The following MTAP variants were observed in gnomAD, a reference collection of about 807,000 sequenced individuals.
MTAP encodes the protein S-methyl-5'-thioadenosine phosphorylase.
In MTAP, 33 loss-of-function variants were observed where a neutral mutation model predicts 33.6. The ratio of observed to expected loss-of-function variants is 0.98; its 90% CI spans 0.74 to 1.31. MTAP has a LOEUF of 1.31. MTAP is among the 40% of genes most tolerant of loss of function. The probability of loss-of-function intolerance (pLI) is 0.00; values close to 1 mark genes in which losing one functional copy is unlikely to be tolerated. For missense variants in MTAP, 367 were observed against 360.0 expected, an observed-to-expected ratio of 1.02 and a Z score of -0.16; for synonymous variants, 148 against 125.7, an observed-to-expected ratio of 1.18 and a Z score of -1.19.
intron 4 of MTAP, among the ~76,000 whole-genome samples, chr9:21,822,794 CT>C (rs1824680090): frequency 6.6e-6 from 1 of 152,046 alleles, no homozygotes; most frequent in South Asian, 2.1e-4. Flanking sequence ...TAAGGACTTG[CT>C]TTATGAATCT....
At chr9:21,891,526 GCTATGGA>G (rs1450939928) in intron 1 of MTAP, among the ~76,000 whole-genome samples, 4 of 152,072 alleles carry the variant, frequency 2.6e-5, no homozygotes. Context: ...AATAAACCAA[GCTATGGA>G]AATAAACTCA....
At chr9:21,927,513 G>C (rs1818888719) in intron 1 of MTAP, among the ~76,000 whole-genome samples, 1 of 152,160 alleles carries the variant, frequency 6.6e-6, no homozygotes, top group Non-Finnish European at 1.5e-5. Context: ...TACTAGAAGA[G>C]GATAACTGAA....
chr9:21,906,939 A>T (rs1304756987), intron 1 of MTAP, among the ~76,000 whole-genome samples: 3 of 152,228 alleles, frequency 2.0e-5, no homozygotes, highest in Non-Finnish European at 4.4e-5. Context: ...TAATTCAGTA[A>T]ATTAACAGAA....
intron 4 of MTAP, among the ~76,000 whole-genome samples, chr9:21,818,519 A>G (rs1824544582): frequency 6.6e-6 from 1 of 151,250 alleles, no homozygotes; most frequent in African/African-American, 2.4e-5. Context: ...GTAGAGATGG[A>G]GTTTCGTCAT....
intron 4 of MTAP, among the ~76,000 whole-genome samples, chr9:21,827,284 C>T (rs550397734): frequency 6.6e-6 from 1 of 152,218 alleles, no homozygotes; most frequent in African/African-American, 2.4e-5. Context: ...GTCCATGCTG[C>T]TCCTCCCATC....
At chr9:21,811,819 G>T in intron 1 of MTAP, 3 of 507,642 alleles carry the variant, frequency 5.9e-6, no homozygotes, top group South Asian at 2.9e-5. Flanking sequence ...AGATGCCCTT[G>T]ATCAGATCCT....
chr9:21,824,254 T>A (rs1179087063), intron 4 of MTAP, among the ~76,000 whole-genome samples: 1 of 152,236 alleles, frequency 6.6e-6, no homozygotes, highest in Non-Finnish European at 1.5e-5. Context: ...TGGTCTTTGA[T>A]GATGGTGACA....
chr9:21,906,433 A>C (rs1180630080), intron 1 of MTAP, among the ~76,000 whole-genome samples: 1 of 152,192 alleles, frequency 6.6e-6, no homozygotes, highest in Non-Finnish European at 1.5e-5. Context: ...GGATTTGAAG[A>C]AGTTACCCAG....
intron 5 of MTAP, among the ~76,000 whole-genome samples, chr9:21,848,285 TG>T (rs1179348152): frequency 6.6e-6 from 1 of 152,070 alleles, no homozygotes; most frequent in Non-Finnish European, 1.5e-5. Context: ...ACCCATGAGG[TG>T]GTGTGCTACA....
At chr9:21,914,399 A>G (rs1818639350) in intron 1 of MTAP, among the ~76,000 whole-genome samples, 1 of 152,178 alleles carries the variant, frequency 6.6e-6, no homozygotes, top group African/African-American at 2.4e-5. Flanking sequence ...CATCAATGAT[A>G]GACCTGATAA....
chr9:21,907,851 G>C (rs1324616369), intron 1 of MTAP, among the ~76,000 whole-genome samples: 1 of 152,004 alleles, frequency 6.6e-6, no homozygotes, highest in East Asian at 1.9e-4. Flanking sequence ...TGTATTTCAA[G>C]ATAATTGCTA....
intron 4 of MTAP, among the ~76,000 whole-genome samples, chr9:21,828,570 A>T (rs1587220967): frequency 6.6e-6 from 1 of 152,038 alleles, no homozygotes; most frequent in Non-Finnish European, 1.5e-5. Context: ...AGCTACTCGG[A>T]AGGCTGAGGC....
chr9:21,912,896 TC>T (rs1327235291), intron 1 of MTAP, among the ~76,000 whole-genome samples: 1 of 152,104 alleles, frequency 6.6e-6, no homozygotes, highest in African/African-American at 2.4e-5. Flanking sequence ...ATCGTCTCAG[TC>T]CAAAATCTCG....
intron 1 of MTAP, among the ~76,000 whole-genome samples, chr9:21,891,594 T>G (rs890577151): frequency 6.6e-6 from 1 of 151,960 alleles, no homozygotes; most frequent in Non-Finnish European, 1.5e-5. Flanking sequence ...TAAAAAAGAA[T>G]GAACAAAACC....
chr9:21,825,008 C>T (rs1008048572), intron 4 of MTAP, among the ~76,000 whole-genome samples: 1 of 152,134 alleles, frequency 6.6e-6, no homozygotes, highest in Middle Eastern at 3.2e-3. Context: ...TCACCCCTTC[C>T]CTTTGCTAGG....
chr9:21,843,924 C>T (rs1825314058), intron 5 of MTAP, among the ~76,000 whole-genome samples: 1 of 151,268 alleles, frequency 6.6e-6, no homozygotes, highest in African/African-American at 2.4e-5. Flanking sequence ...GAAATTGAAA[C>T]AAAAAAATAC....
At position 21,863,889 on chromosome 9, in the gene MTAP, G is replaced by A; in HGVS notation, c.*1875G>A. On this transcript the variant is annotated 3_prime_UTR_variant, in exon 8 of 8. Coordinates refer to ENST00000644715, the MANE Select transcript of MTAP (RefSeq NM_002451.4). ...TGACTCATTAGTGTGAGCCATTTGG[G>A]TCAAGTATGATTATGACCCTTGGAC... The A allele has an allele frequency of 2.0e-6, 2 of 985,750 alleles. No homozygotes were observed. 61.1% of individuals were successfully genotyped at this position (985,750 alleles called of 1,614,324 possible).
At chr9:21,914,241 G>T (rs1255301800) in intron 1 of MTAP, among the ~76,000 whole-genome samples, 1 of 152,308 alleles carries the variant, frequency 6.6e-6, no homozygotes, top group Non-Finnish European at 1.5e-5. Flanking sequence ...CAAGGATCTA[G>T]AACTAGAAAT....
At chr9:21,861,490 A>C (rs1174156206) in intron 7 of MTAP, 1 of 154,654 alleles carries the variant, frequency 6.5e-6, no homozygotes, top group Admixed American at 6.4e-5. Context: ...TATTGTTAGC[A>C]CTGAAATGTG....
Sources: gnomAD v4.1 joint callset for allele counts (sites outside exome capture counted in the v4.1 genomes callset) on GRCh38, gnomAD v4.1.1 for gene constraint, MANE v1.5 for transcripts, NCBI Gene and HGNC (gene_info 2026-07-23, HGNC 2026-07-21) for gene names.